Variants in CACNA1F observed in about 807,000 individuals in gnomAD.
CACNA1F encodes calcium voltage-gated channel subunit alpha1 F.
In CACNA1F, 59 loss-of-function variants were observed where a neutral mutation model predicts 143.8. The ratio of observed to expected loss-of-function variants is 0.41; its 90% confidence interval spans 0.33 to 0.51. CACNA1F has a LOEUF of 0.51. Among genes scored for constraint, CACNA1F ranks in the 20% least tolerant of loss-of-function variants. CACNA1F has a pLI of 0.22. For synonymous variants in CACNA1F, 643 were observed against 649.1 expected, an observed-to-expected ratio of 0.99 and a Z score of 0.14; for missense variants, 1,411 against 1,647.5, an observed-to-expected ratio of 0.86 and a Z score of 2.48.
Position 49,215,610 on chromosome X carries a change from GC to G in CACNA1F, c.3237-68del, listed in dbSNP as rs2065707446. On this transcript the variant is annotated intron_variant, in intron 27 of 47. Transcript: ENST00000323022. Reference sequence around the variant, plus strand: ...GGGATATCCCAGCCCCCTCAGACCTGCCCCCAGTCTACTTATCACAGACACC... The same window carrying G: ...GGGATATCCCAGCCCCCTCAGACCTGCCCCAGTCTACTTATCACAGACACC... 4 of 725,780 alleles carry G rather than the reference GC, an allele frequency of 5.5e-6. No individual in the cohort carries two copies. The South Asian group carries it at 1.0e-4, about 19-fold the overall frequency. 59.8% of individuals were successfully genotyped at this position (725,780 alleles called of 1,213,427 possible). A position where few individuals can be genotyped will look rare whatever the true frequency, so the allele number is the denominator to read the frequency against.
chrX:49,224,575 A>C (rs782293792), intron 14 of CACNA1F, among the ~76,000 whole-genome samples, 186 bp downstream of exon 14: 1 of 111,655 alleles, frequency 9.0e-6, no homozygotes, highest in African/African-American at 3.3e-5. Flanking sequence ...GGATGAAGAC[A>C]GGAACTTGTG....
At chrX:49,213,367 C>A (rs1328623020) in intron 31 of CACNA1F, among the ~76,000 whole-genome samples, 3 of 110,989 alleles carry the variant, frequency 2.7e-5, no homozygotes, top group African/African-American at 9.9e-5. Flanking sequence ...CATGTAGTAC[C>A]CAATGGAGGT....
chrX:49,210,518 C>A (rs1182985839), intron 38 of CACNA1F, 72 bp downstream of exon 38: 4 of 1,059,398 alleles, frequency 3.8e-6, no homozygotes, highest in Non-Finnish European at 5.3e-6. Context: ...CCACCCAAGG[C>A]AGATCCCTTC....
At chrX:49,230,669 C>A in intron 4 of CACNA1F, 60 bp from the exon 5 acceptor site, 2 of 1,121,901 alleles carry the variant, frequency 1.8e-6, no homozygotes, top group South Asian at 4.1e-5. Flanking sequence ...CCCCCTCCAC[C>A]CTAACCTTCT....
chrX:49,223,941 C>T (rs1398856606), intron 14 of CACNA1F, among the ~76,000 whole-genome samples: 2 of 110,101 alleles, frequency 1.8e-5, no homozygotes, highest in Non-Finnish European at 3.8e-5. Flanking sequence ...ACTACATTGG[C>T]CAGGCTGGTC....
Position 49,228,280 on chromosome X carries a change from T to C in CACNA1F, c.985A>G (p.Met329Val). ...AMLTVFQCVT[M>V]EGWTDVLYWM... ...TAGAGCACATCGGTCCAGCCTTCCA[T>C]GGTGACACACTGGAAGACTGTCAGC... The change falls in exon 7 of 48, where the codon ATG (methionine) becomes GTG (valine). Residue 329 changes from methionine to valine, a missense_variant. Transcript: ENST00000323022. 8.3e-7 allele frequency: 1 copy of C among 1,211,749 alleles called. No individual in the cohort carries two copies. The highest frequency in any genetic ancestry group is 1.1e-6 in the Non-Finnish European group (1 of 895,125).
rs889421015 is a variant in CACNA1F, at chrX:49,231,373, C to A, written c.276-66G>T. 5.5e-5 allele frequency: 46 copies of A among 833,216 alleles called. No individual in the cohort carries two copies. In the East Asian group the frequency reaches 1.5e-3, roughly 27 times the overall value. The allele number at this position is 833,216 out of a possible 1,213,427, so 68.7% of individuals were successfully genotyped here. ...GGAACCCCCCTACTCCCTTGGGAAC[C>A]TCCCACCCAGTGCTGACCCTTGACG... On this transcript the variant is annotated intron_variant, in intron 2 of 47. Transcript: ENST00000323022.
intron 41 of CACNA1F, 81 bp from the exon 42 acceptor site, chrX:49,209,474 G>C: frequency 8.8e-7 from 1 of 1,136,071 alleles, no homozygotes; most frequent in South Asian, 1.8e-5. Flanking sequence ...GGGTAGGGTG[G>C]GGGAAGGAGT....
chrX:49,227,072 G>T lies in CACNA1F; in HGVS notation c.1174C>A (p.Arg392=), dbSNP rs139250897. 8.3e-7 allele frequency: 1 copy of T among 1,204,298 alleles called. No homozygotes were observed. Among genetic ancestry groups the T allele is most frequent in the Admixed American group, 2.2e-5 (1 of 45,135 alleles). ...AKARGDFQKQ[R]EKQQMEEDLR... is the part of the protein sequence containing the mutation. ...TCTTCCTCCATCTGCTGCTTCTCCC[G>T]CTGCTTCTGGAAGTCCCCGCGAGCT... The change falls in exon 9 of 48, where the codon CGG becomes AGG. Residue 392 remains arginine (R), a synonymous_variant. Transcript: ENST00000323022.
In CACNA1F at chrX:49,219,406, G is replaced by A. The variant is rs1557108289; in HGVS notation, c.2588C>T (p.Thr863Ile). The A allele has an allele frequency of 8.3e-7, 1 of 1,209,063 alleles. No individual in the cohort carries two copies. The highest frequency in any genetic ancestry group is 1.1e-6 in the Non-Finnish European group (1 of 894,036). Residue 863 changes from threonine (T) to isoleucine (I), a missense_variant, in exon 21 of 48, where the codon ACC becomes ATC. By Grantham distance (89) the Thr-to-Ile change is moderately conservative. Transcript: ENST00000323022. The stretch of plus-strand genomic sequence containing the variant: ...GATGATGAACACCAGGATAAGATTG[G>A]TGAAGACATGATGGTGGATGAGGGT... ...CHTLIHHHVF[T>I]NLILVFIILS...
chrX:49,208,220 T>C (rs1557105362), intron 43 of CACNA1F, among the ~76,000 whole-genome samples: 1 of 99,951 alleles, frequency 1.0e-5, no homozygotes, highest in African/African-American at 3.7e-5. Flanking sequence ...AAAAAAAAAG[T>C]GATTAGCTCA....
At chrX:49,224,136 G>A (rs1207806125) in intron 14 of CACNA1F, among the ~76,000 whole-genome samples, 4 of 111,021 alleles carry the variant, frequency 3.6e-5, no homozygotes, top group Non-Finnish European at 7.5e-5. Flanking sequence ...GGTTGGAGAT[G>A]GAGTTAAGGG....
intron 27 of CACNA1F, 41 bp downstream of exon 27, chrX:49,216,341 C>G: frequency 4.2e-6 from 5 of 1,197,632 alleles, no homozygotes; most frequent in Non-Finnish European, 5.7e-6. Context: ...TGCAGAGACC[C>G]CTGCCTCATC....
chrX:49,226,013 T>C lies in CACNA1F; in HGVS notation c.1547A>G (p.Lys516Arg). The C allele has an allele frequency of 8.4e-7, 1 of 1,185,853 alleles. No homozygotes were observed. Among genetic ancestry groups the C allele is most frequent in the African/African-American group, 1.8e-5 (1 of 56,949 alleles). ...VLRARCRRAV[K>R]SNACYWAVLL... The stretch of plus-strand genomic sequence containing the variant: ...CACAGCCCAGTAGCAGGCATTGGAC[T>C]TCACTGCCCGACGGCAGCGTGCCCG... Residue 516 changes from lysine to arginine, a missense_variant, in exon 13 of 48, where the codon AAG becomes AGG. Lys to Arg is a conservative substitution (Grantham distance 26). Coordinates refer to ENST00000323022, the MANE Select transcript of CACNA1F (RefSeq NM_001256789.3).
chrX:49,228,709 C>T (rs1557110653), intron 6 of CACNA1F, among the ~76,000 whole-genome samples: 1 of 112,715 alleles, frequency 8.9e-6, no homozygotes, highest in African/African-American at 3.2e-5. Context: ...GGATTACCGG[C>T]GTGTGCCACA....
At chrX:49,208,867 C>A (rs943808236) in intron 42 of CACNA1F, 183 bp from the exon 43 acceptor site, 2 of 478,036 alleles carry the variant, frequency 4.2e-6, no homozygotes, top group Admixed American at 2.9e-5. Flanking sequence ...TGTCCTGTCA[C>A]CAGGCGGGAG....
rs782191942 is a variant in CACNA1F at position 49,217,614 on chromosome X, A to G, written c.3089+141T>C. Reference sequence around the variant, plus strand: ...GGGGGAGGTATCGGGGGGCCGCCGAAGACTTGGTGAGATCTGAGGGCCTCT... The same window carrying G: ...GGGGGAGGTATCGGGGGGCCGCCGAGGACTTGGTGAGATCTGAGGGCCTCT... On this transcript the variant is annotated intron_variant, in intron 26 of 47. Coordinates refer to ENST00000323022, the MANE Select transcript of CACNA1F (RefSeq NM_001256789.3). 7.0e-6 allele frequency: 4 copies of G among 571,063 alleles called. No individual in the cohort carries two copies. The South Asian group carries it at 7.2e-5, about 10-fold the overall frequency. 47.1% of individuals were successfully genotyped at this position (571,063 alleles called of 1,213,427 possible). A position where few individuals can be genotyped will look rare whatever the true frequency, so the allele number is the denominator to read the frequency against.
At chrX:49,225,798 G>T (rs1023080611) in intron 13 of CACNA1F, 111 bp downstream of exon 13, 4 of 549,104 alleles carry the variant, frequency 7.3e-6, no homozygotes, top group Admixed American at 3.0e-5. Context: ...ATTTGGGTAG[G>T]GGGGAAGGCA....
intron 1 of CACNA1F, among the ~76,000 whole-genome samples, chrX:49,232,718 T>C (rs2065889184): frequency 8.9e-6 from 1 of 111,996 alleles, no homozygotes; most frequent in Non-Finnish European, 1.9e-5. Flanking sequence ...AGTGACTTGC[T>C]GAAGTGGCTG....
Sources: gnomAD v4.1 joint callset for allele counts (sites outside exome capture counted in the v4.1 genomes callset) on GRCh38, gnomAD v4.1.1 for gene constraint, MANE v1.5 for transcripts, NCBI Gene and HGNC (gene_info 2026-07-23, HGNC 2026-07-21) for gene names.